Variants in RYR2 observed in about 807,000 individuals in gnomAD.
RYR2 encodes cardiac muscle ryanodine receptor-calcium release channel.
RYR2 carries 227 observed loss-of-function variants against 601.1 expected under a neutral mutation model. The observed-to-expected ratio is 0.38, with a 90% CI of 0.34 to 0.42. RYR2 has a LOEUF of 0.42. Among genes scored for constraint, RYR2 ranks in the 10% least tolerant of loss-of-function variants. The probability of loss-of-function intolerance (pLI) is 1.00; values close to 1 mark genes in which losing one functional copy is unlikely to be tolerated. For missense variants in RYR2, 4,646 were observed against 6,156.5 expected (o/e 0.75, Z 8.21); for synonymous variants, 2,223 against 2,175.1 (o/e 1.02, Z -0.61).
At chr1:237,267,244 C>T (rs551878987) in intron 1 of RYR2, among the ~76,000 whole-genome samples, 1 of 152,306 alleles carries the variant, frequency 6.6e-6, no homozygotes, top group South Asian at 2.1e-4. Context: ...TCTGGCTGGG[C>T]GCAGTGGCCC....
intron 27 of RYR2, among the ~76,000 whole-genome samples, chr1:237,554,561 T>C (rs1398571136): frequency 1.3e-5 from 2 of 151,998 alleles, no homozygotes; most frequent in Non-Finnish European, 2.9e-5. Context: ...TTCTACATTG[T>C]TTCTTTTTCA....
At chr1:237,305,040 G>A (rs1482828602) in intron 2 of RYR2, among the ~76,000 whole-genome samples, 1 of 152,204 alleles carries the variant, frequency 6.6e-6, no homozygotes, top group Non-Finnish European at 1.5e-5. Context: ...TGGAGCAGGA[G>A]GAACTTTCAC....
chr1:237,303,331 G>A (rs1693556597), intron 2 of RYR2, among the ~76,000 whole-genome samples: 1 of 100,124 alleles, frequency 1.0e-5, no homozygotes, highest in Non-Finnish European at 1.8e-5. Context: ...ACAGAGTCTT[G>A]CTCTATTGCC....
chr1:237,369,319 G>T (rs1700456443), intron 5 of RYR2, among the ~76,000 whole-genome samples: 1 of 152,038 alleles, frequency 6.6e-6, no homozygotes, highest in Non-Finnish European at 1.5e-5. Flanking sequence ...TATTTTTCAA[G>T]AACTAGATAA....
At position 237,610,466 on chromosome 1, in the gene RYR2, G is replaced by C. The variant is rs1003985650; in HGVS notation, c.4684-296G>C. ...TCCCAGCCTGGTAAAGAAATATAAA[G>C]GATATATGGGTATGCTTGGCCTTCT... is the stretch of plus-strand genomic sequence containing the variant. On this transcript the variant is annotated intron_variant, in intron 35 of 104. Transcript: ENST00000366574. The surrounding 1 kb of genome is among the most constrained non-coding windows in gnomAD (Gnocchi z 4.9). Among the ~76,000 whole-genome samples, 1 of 152,122 alleles carries C rather than the reference G, an allele frequency of 6.6e-6. No individual in the cohort carries two copies. Among genetic ancestry groups the C allele is most frequent in the African/African-American group, 2.4e-5 (1 of 41,432 alleles).
At chr1:237,703,660 GGTA>G (rs1454116163) in intron 66 of RYR2, among the ~76,000 whole-genome samples, 4 of 148,470 alleles carry the variant, frequency 2.7e-5, no homozygotes, top group Non-Finnish European at 6.0e-5. Flanking sequence ...TTTATGACAT[GGTA>G]ATGTTGAATT....
At chr1:237,209,696 T>A (rs998143735) in intron 1 of RYR2, among the ~76,000 whole-genome samples, 6 of 151,970 alleles carry the variant, frequency 3.9e-5, no homozygotes, top group East Asian at 1.9e-4. Flanking sequence ...CTACAAAAAA[T>A]TTTTTAAAAA....
At chr1:237,081,395 A>C (rs1558197706) in intron 1 of RYR2, among the ~76,000 whole-genome samples, 2 of 151,100 alleles carry the variant, frequency 1.3e-5, no homozygotes, top group South Asian at 4.2e-4. Context: ...GTCCCCTTGT[A>C]TGGGTACCCA....
At chr1:237,286,833 A>G (rs1691629648) in intron 2 of RYR2, among the ~76,000 whole-genome samples, 1 of 152,000 alleles carries the variant, frequency 6.6e-6, no homozygotes, top group South Asian at 2.1e-4. Flanking sequence ...GTACCCTTGC[A>G]TTCATCCAGC....
intron 3 of RYR2, among the ~76,000 whole-genome samples, chr1:237,338,909 A>G (rs1490996184): frequency 2.0e-5 from 3 of 152,202 alleles, no homozygotes; most frequent in Admixed American, 6.5e-5. Flanking sequence ...TGTAGTTCAT[A>G]TGATATAAAT....
chr1:237,240,796 T>C (rs1188989112), intron 1 of RYR2, among the ~76,000 whole-genome samples: 1 of 152,090 alleles, frequency 6.6e-6, no homozygotes, highest in East Asian at 1.9e-4. Flanking sequence ...AAAGGTACTT[T>C]CTTCCCTTAA....
chr1:237,117,712 CTT>C (rs1297756591), intron 1 of RYR2, among the ~76,000 whole-genome samples: 3 of 139,338 alleles, frequency 2.2e-5, no homozygotes, highest in African/African-American at 8.5e-5. Flanking sequence ...CTTCTCTTCT[CTT>C]CTCTTCTCTT....
chr1:237,400,234 A>G lies in RYR2; in HGVS notation c.773+12051A>G, dbSNP rs574816607. Among the ~76,000 whole-genome samples, 262 of 152,316 alleles carry G rather than the reference A, an allele frequency of 1.7e-3. 2 individuals carry two copies. Among genetic ancestry groups the G allele is most frequent in the Non-Finnish European group, 3.2e-3 (221 of 68,016 alleles). On this transcript the variant is annotated intron_variant, in intron 10 of 104. Transcript: ENST00000366574. ...ACTGCACATGACCAGAGTGATCTCA[A>G]TTTTTTAAGGCATTCATAGAGACTG...
intron 25 of RYR2, among the ~76,000 whole-genome samples, chr1:237,547,480 G>A (rs1029222510): frequency 2.6e-5 from 4 of 152,064 alleles, no homozygotes; most frequent in African/African-American, 4.8e-5. Flanking sequence ...TTATCTGCTG[G>A]GAACTGTTTT....
At chr1:237,692,328 T>C (rs1687014754) in intron 63 of RYR2, among the ~76,000 whole-genome samples, 1 of 152,222 alleles carries the variant, frequency 6.6e-6, no homozygotes, top group African/African-American at 2.4e-5. Flanking sequence ...CTTTCGCTTG[T>C]ACTATTGCAG....
chr1:237,579,838 G>A (rs529073184), intron 29 of RYR2, among the ~76,000 whole-genome samples: 11 of 152,042 alleles, frequency 7.2e-5, no homozygotes, highest in Admixed American at 5.2e-4. Flanking sequence ...TTCCCTTACA[G>A]AATATATCAT....
In RYR2 at chr1:237,717,329, C is replaced by T; in HGVS notation, c.10455C>T (p.Asp3485=). Residue 3485 remains aspartate, a synonymous_variant, in exon 72 of 105, where the codon GAC becomes GAT. Coordinates refer to ENST00000366574, the MANE Select transcript of RYR2 (RefSeq NM_001035.3). ...PIGLNICAPG[D]QELIALAKNR... ...GGTTGAACATCTGTGCCCCTGGGGA[C>T]CAGGAGCTCATTGCTCTGGCCAAAA... is the stretch of plus-strand genomic sequence containing the variant. The T allele has an allele frequency of 6.2e-7, 1 of 1,611,068 alleles. No homozygotes were observed. Among genetic ancestry groups the T allele is most frequent in the Non-Finnish European group, 8.5e-7 (1 of 1,178,128 alleles).
intron 1 of RYR2, among the ~76,000 whole-genome samples, chr1:237,177,279 A>G (rs1194910245): frequency 6.6e-6 from 1 of 152,230 alleles, no homozygotes; most frequent in African/African-American, 2.4e-5. Context: ...TAATTGTTAA[A>G]CTTTACATAT....
intron 68 of RYR2, among the ~76,000 whole-genome samples, 189 bp downstream of exon 68, chr1:237,707,458 TAC>T (rs1224804398): frequency 6.6e-6 from 1 of 152,246 alleles, no homozygotes; most frequent in African/African-American, 2.4e-5. Flanking sequence ...AAATAGTTAC[TAC>T]TTTTAAGTAA....
Sources: allele counts gnomAD v4.1 joint callset (sites outside exome capture counted in the v4.1 genomes callset), GRCh38; gene constraint gnomAD v4.1.1; non-coding constraint Gnocchi (gnomAD v3.1); transcripts MANE v1.5; gene names NCBI Gene and HGNC (gene_info 2026-07-23, HGNC 2026-07-21).